CDYL: variants seen among roughly 807,000 people sequenced by gnomAD.
CDYL encodes the protein chromodomain Y like.
Under a neutral mutation model 47.3 loss-of-function variants are expected in CDYL, and 8 were observed. The ratio of observed to expected loss-of-function variants is 0.17; its 90% confidence interval spans 0.10 to 0.31. The LOEUF (loss-of-function observed/expected upper bound fraction) is 0.31. CDYL is among the 10% of genes least tolerant of loss of function. CDYL has a pLI of 1.00. For synonymous variants in CDYL, 266 were observed against 265.0 expected (o/e 1.00, Z -0.04); for missense variants, 471 against 701.4 (o/e 0.67, Z 3.71).
intron 1 of CDYL, among the ~76,000 whole-genome samples, chr6:4,796,115 A>G (rs770188487): frequency 1.3e-5 from 2 of 152,076 alleles, no homozygotes; most frequent in Non-Finnish European, 2.9e-5. Context: ...ACGCACCACC[A>G]TGTAACAGGG....
chr6:4,893,786 G>A (rs943751594), intron 2 of CDYL, among the ~76,000 whole-genome samples: 2 of 152,202 alleles, frequency 1.3e-5, no homozygotes, highest in Admixed American at 6.5e-5. Context: ...AAATACAATG[G>A]TGTTGGTTTG....
chr6:4,779,191 C>T (rs1758547071), intron 1 of CDYL, among the ~76,000 whole-genome samples: 1 of 152,208 alleles, frequency 6.6e-6, no homozygotes, highest in African/African-American at 2.4e-5. Context: ...GATAGTCTGA[C>T]AAGGCTGGGA....
intron 2 of CDYL, among the ~76,000 whole-genome samples, chr6:4,931,552 G>C (rs1049683990): frequency 1.3e-5 from 2 of 152,136 alleles, no homozygotes; most frequent in Non-Finnish European, 2.9e-5. Flanking sequence ...GAACACTGTG[G>C]CATGATTGTC....
At chr6:4,777,474 G>A (rs1397216400) in intron 1 of CDYL, among the ~76,000 whole-genome samples, 1 of 152,208 alleles carries the variant, frequency 6.6e-6, no homozygotes, top group African/African-American at 2.4e-5. Context: ...CCAGCTTCAA[G>A]TTTGAGAGTT....
At chr6:4,940,331 C>G (rs1288410266) in intron 4 of CDYL, among the ~76,000 whole-genome samples, 1 of 152,168 alleles carries the variant, frequency 6.6e-6, no homozygotes, top group Non-Finnish European at 1.5e-5. Context: ...ATTAGTTACA[C>G]CAGAGTCACT....
At chr6:4,847,596 G>A (rs1760701488) in intron 1 of CDYL, among the ~76,000 whole-genome samples, 1 of 152,128 alleles carries the variant, frequency 6.6e-6, no homozygotes, top group Non-Finnish European at 1.5e-5. Flanking sequence ...TGAACTGAAG[G>A]TTCAGTGAAT....
In CDYL at chr6:4,950,315, C is replaced by A. The variant is rs1054182503; in HGVS notation, c.1333-1951C>A. Among the ~76,000 whole-genome samples the A allele has an allele frequency of 3.3e-5, 5 of 152,178 alleles. No individual in the cohort carries two copies. The South Asian group carries it at 1.0e-3, about 32-fold the overall frequency. The stretch of plus-strand genomic sequence containing the variant: ...TGGCGGGGTCGCTTGCCTCCGCTGC[C>A]CAAGCTAAGGCTCCACTAAGCTGGT... On this transcript the variant is annotated intron_variant, in intron 5 of 6. Coordinates refer to ENST00000397588, the MANE Select transcript of CDYL (RefSeq NM_004824.4).
chr6:4,719,376 C>T (rs1757328995), intron 2 of CDYL, among the ~76,000 whole-genome samples: 1 of 152,090 alleles, frequency 6.6e-6, no homozygotes, highest in Non-Finnish European at 1.5e-5. Flanking sequence ...ACACATTGTC[C>T]TTAAATTTAA....
chr6:4,757,969 T>G (rs1758101695), intron 3 of CDYL, among the ~76,000 whole-genome samples: 1 of 152,178 alleles, frequency 6.6e-6, no homozygotes, highest in African/African-American at 2.4e-5. Flanking sequence ...TCTGTAAAAA[T>G]TTTTTAAAAA....
At chr6:4,716,593 A>ATTTTTTTTTTTTTTTTTTTTTTTT (rs35154777) in intron 2 of CDYL, among the ~76,000 whole-genome samples, 1 of 120,006 alleles carries the variant, frequency 8.3e-6, no homozygotes. Context: ...GGCAGCAATA[A>ATTTTTTTTTTTTTTTTTTTTTTTT]TTTTTTTTTT....
intron 1 of CDYL, among the ~76,000 whole-genome samples, chr6:4,801,651 A>G (rs1484526667): frequency 6.6e-6 from 1 of 152,048 alleles, no homozygotes; most frequent in African/African-American, 2.4e-5. Flanking sequence ...CTGTGTCTGC[A>G]AAATTTGAAA....
chr6:4,943,859 C>T (rs894140594), intron 5 of CDYL, 103 bp downstream of exon 5: 4 of 815,988 alleles, frequency 4.9e-6, no homozygotes, highest in Non-Finnish European at 7.5e-6. Context: ...GTGTGTCATT[C>T]TGTGGGGACT....
chr6:4,901,656 G>T (rs1757057953), intron 2 of CDYL, among the ~76,000 whole-genome samples: 1 of 152,140 alleles, frequency 6.6e-6, no homozygotes, highest in African/African-American at 2.4e-5. Flanking sequence ...TTAGTTCTTT[G>T]TACTGTGTCA....
At chr6:4,845,329 C>G (rs1393586498) in intron 1 of CDYL, among the ~76,000 whole-genome samples, 1 of 152,102 alleles carries the variant, frequency 6.6e-6, no homozygotes, top group African/African-American at 2.4e-5. Flanking sequence ...AGTCATTTTG[C>G]GATGCCTGGA....
chr6:4,756,670 C>A (rs1375900626), intron 3 of CDYL, among the ~76,000 whole-genome samples: 2 of 151,412 alleles, frequency 1.3e-5, no homozygotes. Context: ...TGAATTACAA[C>A]CATCTTCTAC....
At chr6:4,798,973 C>T (rs1291786007) in intron 1 of CDYL, among the ~76,000 whole-genome samples, 1 of 152,116 alleles carries the variant, frequency 6.6e-6, no homozygotes, top group Non-Finnish European at 1.5e-5. Context: ...TTATTATTAC[C>T]TTTACTTTCA....
intron 2 of CDYL, among the ~76,000 whole-genome samples, chr6:4,907,808 G>T (rs1253825703): frequency 6.6e-6 from 1 of 152,174 alleles, no homozygotes; most frequent in Non-Finnish European, 1.5e-5. Flanking sequence ...TTATGGTGAG[G>T]TCAGCTTCCT....
chr6:4,882,261 G>A (rs543181330), intron 1 of CDYL, among the ~76,000 whole-genome samples: 2 of 152,338 alleles, frequency 1.3e-5, no homozygotes, highest in South Asian at 4.1e-4. Context: ...GAGGATGGGA[G>A]TCTCATGGGT....
At chr6:4,853,631 C>T (rs956933810) in intron 1 of CDYL, among the ~76,000 whole-genome samples, 3 of 152,188 alleles carry the variant, frequency 2.0e-5, no homozygotes, top group Non-Finnish European at 4.4e-5. Context: ...ATTACTGCAT[C>T]GAGTCCCTGT....
Sources: gnomAD v4.1 joint callset for allele counts (sites outside exome capture counted in the v4.1 genomes callset) on GRCh38, gnomAD v4.1.1 for gene constraint, MANE v1.5 for transcripts, NCBI Gene and HGNC (gene_info 2026-07-23, HGNC 2026-07-21) for gene names.